The following SSU72 variants were observed in gnomAD, a reference collection of about 807,000 sequenced individuals.
SSU72 encodes the protein SSU72 homolog, RNA polymerase II CTD phosphatase, also known as RNA polymerase II subunit A C-terminal domain phosphatase SSU72.
In SSU72, 12 loss-of-function variants were observed where a neutral mutation model predicts 22.7. The ratio of observed to expected loss-of-function variants is 0.53; its 90% confidence interval spans 0.34 to 0.86. SSU72 has a LOEUF of 0.86. Ranked by LOEUF, SSU72 falls within the 40% of genes least tolerant of loss-of-function variation. The pLI is 0.02. For synonymous variants in SSU72, 116 were observed against 98.3 expected (o/e 1.18, Z -1.06); for missense variants, 151 against 249.8 (o/e 0.60, Z 2.67).
chr1:1,573,845 A>T (rs565728779), intron 1 of SSU72, among the ~76,000 whole-genome samples: 14 of 152,094 alleles, frequency 9.2e-5, no homozygotes, highest in Non-Finnish European at 7.3e-5. Flanking sequence ...TTGCTATGTG[A>T]CTGAACAAAA....
chr1:1,554,341 G>A lies in SSU72; in HGVS notation c.225-9339C>T, dbSNP rs975133090. ...ACGAAGCTGAGCATGAGGCGGATCC[G>A]GACCACTCGGGGGTCCCCACGAAGC... is the stretch of plus-strand genomic sequence containing the variant. On this transcript the variant is annotated intron_variant, in intron 2 of 4. Coordinates refer to ENST00000291386, the MANE Select transcript of SSU72 (RefSeq NM_014188.3). This position sits in a 1 kb window ranked among gnomAD's most constrained non-coding sequence, Gnocchi z 4.1. Among the ~76,000 whole-genome samples, 1 of 151,960 alleles carries A rather than the reference G, an allele frequency of 6.6e-6. No homozygotes were observed. The highest frequency in any genetic ancestry group is 1.5e-5 in the Non-Finnish European group (1 of 67,994).
chr1:1,569,538 A>C (rs1642703660), intron 1 of SSU72, among the ~76,000 whole-genome samples: 1 of 152,184 alleles, frequency 6.6e-6, no homozygotes, highest in Non-Finnish European at 1.5e-5. Flanking sequence ...TCGTCCAGCC[A>C]GGAGTTCAGT....
At chr1:1,557,004 A>C (rs1642529327) in intron 2 of SSU72, among the ~76,000 whole-genome samples, 1 of 152,210 alleles carries the variant, frequency 6.6e-6, no homozygotes, top group Non-Finnish European at 1.5e-5. Context: ...CGTAATTTAC[A>C]TTTTAGGCAT....
At chr1:1,570,209 G>A (rs189043237) in intron 1 of SSU72, among the ~76,000 whole-genome samples, 4 of 150,498 alleles carry the variant, frequency 2.7e-5, no homozygotes, top group Admixed American at 2.0e-4. Context: ...CAGGAGGATC[G>A]TTTTAGCCCA....
chr1:1,565,788 C>T (rs1642654570), intron 1 of SSU72, among the ~76,000 whole-genome samples: 1 of 112,574 alleles, frequency 8.9e-6, no homozygotes, highest in Non-Finnish European at 1.7e-5. Context: ...TCCTAATCAA[C>T]TGGAGAAAAG....
intron 2 of SSU72, among the ~76,000 whole-genome samples, chr1:1,549,509 A>T (rs1642430597): frequency 6.9e-6 from 1 of 145,054 alleles, no homozygotes; most frequent in South Asian, 2.2e-4. Context: ...ACAGAGCGAG[A>T]CTCTGTCTCA....
intron 1 of SSU72, among the ~76,000 whole-genome samples, 158 bp downstream of exon 1, chr1:1,574,320 C>T (rs1642779574): frequency 6.6e-6 from 1 of 152,152 alleles, no homozygotes; most frequent in African/African-American, 2.4e-5. Flanking sequence ...GTGGACTACG[C>T]GCGCTGCCGT....
intron 2 of SSU72, among the ~76,000 whole-genome samples, chr1:1,552,787 G>A (rs1478739225): frequency 2.6e-5 from 4 of 152,254 alleles, no homozygotes; most frequent in Admixed American, 6.5e-5. Context: ...TTGGAAGGCC[G>A]AGGCGGGTGG....
chr1:1,572,086 C>T (rs1240452972), intron 1 of SSU72, among the ~76,000 whole-genome samples: 2 of 150,956 alleles, frequency 1.3e-5, no homozygotes, highest in African/African-American at 2.4e-5. Flanking sequence ...TGAGCCACCG[C>T]GCCCAGCCCT....
At position 1,541,976 on chromosome 1, in the gene SSU72, G is replaced by A; in HGVS notation, c.*90C>T. ...TATTTGGGTAATGCTACCGTCACCA[G>A]CAGAACACCTGTAAGTAAAAACAAA... On this transcript the variant is annotated 3_prime_UTR_variant, in exon 5 of 5. Transcript: ENST00000291386. The A allele has an allele frequency of 7.9e-7, 1 of 1,259,646 alleles. No individual in the cohort carries two copies. The highest frequency in any genetic ancestry group is 1.1e-6 in the Non-Finnish European group (1 of 887,386). The allele number at this position is 1,259,646 out of a possible 1,614,324, so 78.0% of individuals were successfully genotyped here. A position where few individuals can be genotyped will look rare whatever the true frequency, so the allele number is the denominator to read the frequency against.
intron 1 of SSU72, among the ~76,000 whole-genome samples, chr1:1,570,460 G>C (rs1213512400): frequency 6.6e-6 from 1 of 151,458 alleles, no homozygotes; most frequent in African/African-American, 2.4e-5. Context: ...CGAGACCCCA[G>C]TCATGACATG....
At position 1,558,348 on chromosome 1, in the gene SSU72, AC is replaced by A. The variant is rs1570391942; in HGVS notation, c.224+6424del. On this transcript the variant is annotated intron_variant, in intron 2 of 4. Transcript: ENST00000291386. ...GCACCACTGCATTGCAGCCCACACGACAGAGAGACGCCCTGTCTCAAAACCA... is the reference window on the plus strand; with the variant it reads ...GCACCACTGCATTGCAGCCCACACGAAGAGAGACGCCCTGTCTCAAAACCA... Among the ~76,000 whole-genome samples, 6 of 152,216 alleles carry A rather than the reference AC, an allele frequency of 3.9e-5. No individual in the cohort carries two copies. The East Asian group carries it at 1.2e-3, about 29-fold the overall frequency.
At chr1:1,550,303 G>C (rs937266608) in intron 2 of SSU72, among the ~76,000 whole-genome samples, 3 of 152,166 alleles carry the variant, frequency 2.0e-5, no homozygotes, top group Non-Finnish European at 4.4e-5. Context: ...GGGGTAGCTG[G>C]TGCCTCAGAG....
intron 1 of SSU72, among the ~76,000 whole-genome samples, chr1:1,569,599 G>T (rs1488112831): frequency 6.6e-6 from 1 of 152,110 alleles, no homozygotes; most frequent in East Asian, 1.9e-4. Flanking sequence ...AACCTCTTGG[G>T]CTCAAGTGAT....
intron 2 of SSU72, chr1:1,563,475 T>C (rs1570396001): frequency 1.4e-5 from 2 of 139,216 alleles, no homozygotes; most frequent in African/African-American, 5.6e-5. Context: ...GAGGTTGCAG[T>C]GAGCTGAGAT....
chr1:1,555,110 A>C (rs1642504962), intron 2 of SSU72, among the ~76,000 whole-genome samples: 1 of 152,098 alleles, frequency 6.6e-6, no homozygotes, highest in East Asian at 1.9e-4. Flanking sequence ...TAACTGAGTG[A>C]CGGGACACAC....
chr1:1,569,172 T>TTA (rs1440332393), intron 1 of SSU72, among the ~76,000 whole-genome samples: 1 of 146,446 alleles, frequency 6.8e-6, no homozygotes, highest in African/African-American at 2.7e-5. Context: ...AGACTCCGTC[T>TTA]CAAAAAATAA....
intron 2 of SSU72, among the ~76,000 whole-genome samples, chr1:1,558,236 G>A (rs1196412496): frequency 2.6e-5 from 4 of 151,212 alleles, no homozygotes; most frequent in African/African-American, 9.8e-5. Context: ...GCATGGCATA[G>A]GCCTCTGGTC....
At chr1:1,545,244 A>T in intron 2 of SSU72, 2 of 493,522 alleles carry the variant, frequency 4.1e-6, no homozygotes, top group South Asian at 5.1e-5. Flanking sequence ...AACTCGGCAA[A>T]AAGACCCAAG....
Sources: gnomAD v4.1 joint callset for allele counts (sites outside exome capture counted in the v4.1 genomes callset) on GRCh38, gnomAD v4.1.1 for gene constraint, Gnocchi (gnomAD v3.1) non-coding constraint, MANE v1.5 for transcripts, NCBI Gene and HGNC (gene_info 2026-07-23, HGNC 2026-07-21) for gene names.